Variants in TRHDE observed in about 807,000 individuals in gnomAD.
TRHDE encodes the protein thyrotropin-releasing hormone-degrading ectoenzyme.
TRHDE carries 72 observed loss-of-function variants against 125.7 expected under a neutral mutation model. The observed-to-expected ratio is 0.57, with a 90% CI of 0.47 to 0.70. The LOEUF (loss-of-function observed/expected upper bound fraction) is 0.70, where lower values mean the gene tolerates loss of function less well. TRHDE is among the 30% of genes least tolerant of loss of function. TRHDE has a pLI of 0.00. For missense variants in TRHDE, 1,110 were observed against 1,327.1 expected (o/e 0.84, Z 2.54); for synonymous variants, 509 against 509.1 (o/e 1.00, Z 0.00).
chr12:72,552,796 G>C (rs1421515805), intron 7 of TRHDE, among the ~76,000 whole-genome samples: 4 of 152,076 alleles, frequency 2.6e-5, no homozygotes, highest in Admixed American at 2.6e-4. Flanking sequence ...AGAAAAACAG[G>C]GTCAGTTGTT....
At chr12:72,587,845 G>C (rs1044029437) in intron 12 of TRHDE, among the ~76,000 whole-genome samples, 3 of 151,956 alleles carry the variant, frequency 2.0e-5, no homozygotes, top group African/African-American at 7.2e-5. Context: ...GCAGAAATAT[G>C]TTCTTAATTT....
intron 6 of TRHDE, among the ~76,000 whole-genome samples, chr12:72,523,637 A>G (rs1177083034): frequency 6.6e-6 from 1 of 152,166 alleles, no homozygotes; most frequent in Non-Finnish European, 1.5e-5. Context: ...AGATATTGAA[A>G]CTTCAGATTG....
At chr12:72,626,759 C>T (rs2136083065) in intron 15 of TRHDE, among the ~76,000 whole-genome samples, 1 of 151,912 alleles carries the variant, frequency 6.6e-6, no homozygotes, top group Non-Finnish European at 1.5e-5. Flanking sequence ...TCCTTCTCAT[C>T]AATGTTTGCT....
At chr12:72,417,171 G>T (rs1328264870) in intron 3 of TRHDE, among the ~76,000 whole-genome samples, 1 of 151,816 alleles carries the variant, frequency 6.6e-6, no homozygotes, top group African/African-American at 2.4e-5. Context: ...CAGATTGTTT[G>T]CTGTTAGCAT....
chr12:72,187,511 G>A (rs547617150), intron 2 of TRHDE, among the ~76,000 whole-genome samples: 1,490 of 143,582 alleles, frequency 0.01, 8 homozygotes, highest in Non-Finnish European at 0.016. Flanking sequence ...GGTGGTGGAG[G>A]AGGAGGAGGA....
chr12:72,599,267 T>C (rs1872108888), intron 12 of TRHDE, among the ~76,000 whole-genome samples: 1 of 152,156 alleles, frequency 6.6e-6, no homozygotes, highest in Admixed American at 6.5e-5. Context: ...CTGGGTCAAA[T>C]GGTAGTTCTG....
chr12:72,371,080 C>T (rs996991290), intron 2 of TRHDE, among the ~76,000 whole-genome samples: 1 of 152,014 alleles, frequency 6.6e-6, no homozygotes, highest in Non-Finnish European at 1.5e-5. Flanking sequence ...TCCTAGTATT[C>T]AGTAATCCCT....
intron 1 of TRHDE, among the ~76,000 whole-genome samples, chr12:72,275,485 T>C (rs1879453105): frequency 6.6e-6 from 1 of 152,196 alleles, no homozygotes; most frequent in South Asian, 2.1e-4. Flanking sequence ...ATTAAAAATA[T>C]TTTTTAAACC....
At chr12:72,146,057 G>A (rs752021529) in intron 2 of TRHDE, among the ~76,000 whole-genome samples, 5 of 152,012 alleles carry the variant, frequency 3.3e-5, no homozygotes, top group African/African-American at 7.2e-5. Flanking sequence ...AATGTGTCAC[G>A]ATAATAAGAA....
At chr12:72,287,461 T>C (rs923426091) in intron 2 of TRHDE, among the ~76,000 whole-genome samples, 1 of 152,146 alleles carries the variant, frequency 6.6e-6, no homozygotes, top group Non-Finnish European at 1.5e-5. Context: ...GCTCTCTGTG[T>C]AACCATCCCT....
At chr12:72,639,951 T>G (rs1246080164) in intron 15 of TRHDE, among the ~76,000 whole-genome samples, 1 of 72,252 alleles carries the variant, frequency 1.4e-5, no homozygotes, top group Non-Finnish European at 2.7e-5. Context: ...TACTGCTGTC[T>G]TTTTGTTTGT....
In TRHDE at chr12:72,129,055, T is replaced by G. The variant is rs145813884; in HGVS notation, n.279+23303T>G. On this transcript the variant is annotated intron_variant and non_coding_transcript_variant, in intron 2 of 4. Transcript: ENST00000548156. ...AAGCAGCCAGAGAATATGTCACATG[T>G]GTACAGAGGAACAAAGAATAGGATG... 5.5e-3 allele frequency among the ~76,000 whole-genome samples: 845 copies of G among 152,334 alleles called. 4 individuals are homozygous for G. The highest frequency in any genetic ancestry group is 8.8e-3 in the Non-Finnish European group (599 of 68,036).
chr12:72,364,823 C>T (rs1871276161), intron 2 of TRHDE, among the ~76,000 whole-genome samples: 1 of 152,002 alleles, frequency 6.6e-6, no homozygotes, highest in South Asian at 2.1e-4. Flanking sequence ...AGCATTCAGC[C>T]CCTCTATTTA....
rs778267833 is a variant in TRHDE at position 72,295,303 on chromosome 12, C to G, written c.1188+8349C>G. Among the ~76,000 whole-genome samples, 5 of 152,168 alleles carry G rather than the reference C, an allele frequency of 3.3e-5. No homozygotes were observed. In the South Asian group the frequency reaches 8.3e-4, roughly 25 times the overall value. Reference sequence around the variant, plus strand: ...GGCTCCTGCTTGTCCCTGGCTCTCGCGGGCTCCATGGAGAGGGCAGCCCTG... The same window carrying G: ...GGCTCCTGCTTGTCCCTGGCTCTCGGGGGCTCCATGGAGAGGGCAGCCCTG... On this transcript the variant is annotated intron_variant, in intron 2 of 18. Coordinates refer to ENST00000261180, the MANE Select transcript of TRHDE (RefSeq NM_013381.3).
rs66698655 is a variant in TRHDE, at chr12:72,224,264, A to AC, written n.279+118520dup. 3.1e-4 allele frequency among the ~76,000 whole-genome samples: 46 copies of AC among 150,128 alleles called. No individual in the cohort carries two copies. The South Asian group carries it at 3.6e-3, about 12-fold the overall frequency. On this transcript the variant is annotated intron_variant and non_coding_transcript_variant, in intron 2 of 4. Transcript: ENST00000548156. ...CAAACTTTGGTTACAAATATGAAGG[A>AC]CCCCCCCCTAGGTAGACCAGAACCA...
intron 2 of TRHDE, among the ~76,000 whole-genome samples, chr12:72,222,758 T>G (rs1878027326): frequency 1.3e-5 from 2 of 152,130 alleles, no homozygotes; most frequent in South Asian, 2.1e-4. Context: ...GCATTCATAG[T>G]GGTCCTAGGG....
intron 12 of TRHDE, among the ~76,000 whole-genome samples, chr12:72,603,772 AC>A (rs1307133217): frequency 2.6e-5 from 4 of 152,028 alleles, no homozygotes; most frequent in African/African-American, 4.8e-5. Flanking sequence ...CAACAAAAAA[AC>A]AATGTAAGTA....
chr12:72,514,728 C>A (rs1457024731), intron 6 of TRHDE, among the ~76,000 whole-genome samples: 1 of 151,060 alleles, frequency 6.6e-6, no homozygotes, highest in African/African-American at 2.4e-5. Flanking sequence ...TGCTGGTGCG[C>A]TGCACCCACT....
At chr12:72,643,137 A>G (rs1322791208) in intron 15 of TRHDE, among the ~76,000 whole-genome samples, 1 of 152,246 alleles carries the variant, frequency 6.6e-6, no homozygotes, top group East Asian at 1.9e-4. Context: ...AAACATGAGG[A>G]GTTGATGGGG....
Sources: allele counts gnomAD v4.1 joint callset (sites outside exome capture counted in the v4.1 genomes callset), GRCh38; gene constraint gnomAD v4.1.1; transcripts MANE v1.5; gene names NCBI Gene and HGNC (gene_info 2026-07-23, HGNC 2026-07-21).